Variants in STARD13 observed in about 807,000 individuals in gnomAD.
The protein encoded by STARD13 is StAR related lipid transfer domain containing 13.
Under a neutral mutation model 106.4 loss-of-function variants are expected in STARD13, and 62 were observed. That is an observed-to-expected ratio of 0.58 (90% CI 0.48 to 0.72). STARD13 has a LOEUF of 0.72. Among genes scored for constraint, STARD13 ranks in the 30% least tolerant of loss-of-function variants. STARD13 has a pLI of 0.00. For missense variants in STARD13, 1,387 were observed against 1,424.0 expected (o/e 0.97, Z 0.42); for synonymous variants, 565 against 553.0 (o/e 1.02, Z -0.31).
At chr13:33,568,893 A>C in the STARD13 span, among the ~76,000 whole-genome samples, 1 of 148,282 alleles carries the variant, frequency 6.7e-6, no homozygotes, top group East Asian at 2.0e-4. Flanking sequence ...TATTCTAATG[A>C]CATAGTAAGC....
rs571752217 is a variant in STARD13 at position 33,141,515 on chromosome 13, G to T, written c.387+795C>A. On this transcript the variant is annotated intron_variant, in intron 4 of 13. Transcript: ENST00000336934. Reference sequence around the variant, plus strand: ...CAGCACATGGCAAGTCCTGTGATGGGGAGGGAGCTTAGTGACTTTTCGGAC... The same window carrying T: ...CAGCACATGGCAAGTCCTGTGATGGTGAGGGAGCTTAGTGACTTTTCGGAC... Among the ~76,000 whole-genome samples, 13 of 152,272 alleles carry T rather than the reference G, an allele frequency of 8.5e-5. No individual in the cohort carries two copies. In the East Asian group the frequency reaches 2.5e-3, roughly 29 times the overall value.
the STARD13 span, among the ~76,000 whole-genome samples, chr13:33,358,041 G>T: frequency 6.6e-6 from 1 of 152,200 alleles, no homozygotes; most frequent in East Asian, 1.9e-4. Context: ...GGAGTTCCGG[G>T]TGGGCGTGGG....
Position 33,130,252 on chromosome 13 carries a change from T to C in STARD13, c.425A>G (p.Asn142Ser). ...ACTGGTTCTTTGGAAAGTCCATTTG[T>C]TGCTGATACAAAGATCTTCCTCATC... is the stretch of plus-strand genomic sequence containing the variant. ...DSDEEDLCIS[N>S]KWTFQRTSRR... The change falls in exon 5 of 14, where the codon AAC becomes AGC. Residue 142 changes from asparagine (N) to serine (S), a missense_variant. Asn to Ser is a conservative substitution (Grantham distance 46, BLOSUM62 1). Transcript: ENST00000336934. The surrounding 1 kb of genome is among the most constrained non-coding windows in gnomAD (Gnocchi z 4.1). 6.2e-7 allele frequency: 1 copy of C among 1,605,642 alleles called. No individual in the cohort carries two copies. The highest frequency in any genetic ancestry group is 8.5e-7 in the Non-Finnish European group (1 of 1,179,936).
chr13:33,130,393 T>G lies in STARD13; in HGVS notation c.388-104A>C. 1 of 1,123,746 alleles carries G rather than the reference T, an allele frequency of 8.9e-7. No individual in the cohort carries two copies. Among genetic ancestry groups the G allele is most frequent in the South Asian group, 1.5e-5 (1 of 67,382 alleles). The allele number at this position is 1,123,746 out of a possible 1,614,324, so 69.6% of individuals were successfully genotyped here. A position where few individuals can be genotyped will look rare whatever the true frequency, so the allele number is the denominator to read the frequency against. On this transcript the variant is annotated intron_variant, in intron 4 of 13. Transcript: ENST00000336934. The surrounding 1 kb of genome is among the most constrained non-coding windows in gnomAD (Gnocchi z 4.1). ...TGTGTGGTCCTCCACCTCCCTCCCCTCTGTCCTCCCATGCACAGGTGTGAG... is the reference window on the plus strand; with the variant it reads ...TGTGTGGTCCTCCACCTCCCTCCCCGCTGTCCTCCCATGCACAGGTGTGAG...
rs889709995 is a variant in STARD13 at position 33,207,355 on chromosome 13, C to T, written c.170-39733G>A. 4.6e-5 allele frequency among the ~76,000 whole-genome samples: 7 copies of T among 152,146 alleles called. No individual in the cohort carries two copies. The East Asian group carries it at 1.3e-3, about 29-fold the overall frequency. On this transcript the variant is annotated intron_variant, in intron 1 of 13. Transcript: ENST00000336934. ...GCATCTGCCATTAGTCAGTGAGCTC[C>T]TTAAAGGCAAGAAAAACACAACTGG...
At chr13:33,663,075 C>T in the STARD13 span, among the ~76,000 whole-genome samples, 4 of 152,198 alleles carry the variant, frequency 2.6e-5, 1 homozygote, top group Admixed American at 2.6e-4. Flanking sequence ...TAATATCAAA[C>T]AATATTACTT....
intron 1 of STARD13, among the ~76,000 whole-genome samples, chr13:33,198,582 C>T (rs567007876): frequency 6.6e-6 from 1 of 152,144 alleles, no homozygotes; most frequent in African/African-American, 2.4e-5. Flanking sequence ...TGTTTTATTC[C>T]TTCTCTTTAT....
rs1593854962 is a variant in STARD13 at position 33,111,429 on chromosome 13, G to T, written c.2607+349C>A. ...GCTGTCATTGGTTCTTAGCAACAAA[G>T]ATTCCTCAGTATCATACACACACTC... On this transcript the variant is annotated intron_variant, in intron 10 of 13. Coordinates refer to ENST00000336934, the MANE Select transcript of STARD13 (RefSeq NM_178006.4). Among the ~76,000 whole-genome samples the T allele has an allele frequency of 2.0e-5, 3 of 152,334 alleles. No homozygotes were observed. In the South Asian group the frequency reaches 6.2e-4, roughly 32 times the overall value.
intron 1 of STARD13, among the ~76,000 whole-genome samples, chr13:33,200,646 A>T (rs1213394448): frequency 1.3e-5 from 2 of 152,226 alleles, no homozygotes; most frequent in Admixed American, 1.3e-4. Flanking sequence ...CCTTTTAAAC[A>T]GTGAACTCTC....
At chr13:33,319,040 C>T in intron 1 of STARD13, among the ~76,000 whole-genome samples, 1 of 146,256 alleles carries the variant, frequency 6.8e-6, no homozygotes, top group East Asian at 2.0e-4. Flanking sequence ...AGCAATTCCA[C>T]TCATAGATCT....
intron 1 of STARD13, among the ~76,000 whole-genome samples, chr13:33,343,502 T>C (rs907986283): frequency 1.4e-5 from 2 of 145,024 alleles, no homozygotes; most frequent in Admixed American, 7.3e-5. Context: ...CGCTTGAGTC[T>C]TCAAGGTTGA....
At chr13:33,464,388 G>A in the STARD13 span, among the ~76,000 whole-genome samples, 1 of 152,076 alleles carries the variant, frequency 6.6e-6, no homozygotes, top group African/African-American at 2.4e-5. Flanking sequence ...TAACACATAT[G>A]TTGCTCCAAA....
At chr13:33,401,831 T>G in the STARD13 span, among the ~76,000 whole-genome samples, 29 of 152,384 alleles carry the variant, frequency 1.9e-4, no homozygotes, top group South Asian at 5.4e-3. Context: ...ACTCTCATGC[T>G]CTTATATTTT....
At chr13:33,617,064 G>T in the STARD13 span, among the ~76,000 whole-genome samples, 2 of 152,174 alleles carry the variant, frequency 1.3e-5, no homozygotes, top group Non-Finnish European at 2.9e-5. Flanking sequence ...GTTTAAAATG[G>T]AACTATAAGC....
the STARD13 span, among the ~76,000 whole-genome samples, chr13:33,619,829 G>A: frequency 9.7e-4 from 147 of 152,218 alleles, no homozygotes; most frequent in Middle Eastern, 0.01. Flanking sequence ...TTGGGAGGCC[G>A]AGGTCGGCCA....
rs35144435 is a variant in STARD13, at chr13:33,112,820, T to C, written c.2393A>G (p.Asn798Ser). 36 of 1,613,848 alleles carry C rather than the reference T, an allele frequency of 2.2e-5. No homozygotes were observed. The highest frequency in any genetic ancestry group is 3.0e-5 in the Non-Finnish European group (35 of 1,179,940). The change falls in exon 9 of 14, where the codon AAC becomes AGC. Residue 798 changes from asparagine to serine, a missense_variant. Transcript: ENST00000336934. ...TLLCFLNDVV[N>S]LVEENQMTPM... ...CGTCATCTGATTCTCTTCCACCAAG[T>C]TGACGACGTCGTTCAGGAAACACAA... is the stretch of plus-strand genomic sequence containing the variant.
chr13:33,530,514 G>C, the STARD13 span, among the ~76,000 whole-genome samples: 1 of 151,976 alleles, frequency 6.6e-6, no homozygotes, highest in Non-Finnish European at 1.5e-5. Context: ...TTTTGTTATA[G>C]TTTATCTGTT....
the STARD13 span, among the ~76,000 whole-genome samples, chr13:33,533,005 C>G: frequency 6.6e-6 from 1 of 152,186 alleles, no homozygotes; most frequent in Non-Finnish European, 1.5e-5. Context: ...GCAAACATAT[C>G]AGTCACCCAT....
chr13:33,150,406 T>C (rs1323617363), intron 3 of STARD13, among the ~76,000 whole-genome samples: 1 of 152,226 alleles, frequency 6.6e-6, no homozygotes, highest in African/African-American at 2.4e-5. Context: ...GATGCTTTTA[T>C]TTTCAGATGA....
Sources: allele counts gnomAD v4.1 joint callset (sites outside exome capture counted in the v4.1 genomes callset), GRCh38; gene constraint gnomAD v4.1.1; non-coding constraint Gnocchi (gnomAD v3.1); transcripts MANE v1.5; gene names NCBI Gene and HGNC (gene_info 2026-07-23, HGNC 2026-07-21).